MED27: variants seen among roughly 807,000 people sequenced by gnomAD.
The protein encoded by MED27 is mediator of RNA polymerase II transcription subunit 27.
MED27 carries 30 observed loss-of-function variants against 38.2 expected under a neutral mutation model. The observed-to-expected ratio is 0.79, with a 90% CI of 0.59 to 1.07. The LOEUF is 1.07. MED27 is among the 50% of genes least tolerant of loss of function. The pLI, the probability that MED27 is intolerant of heterozygous loss-of-function variation, is 0.00. For missense variants in MED27, 289 were observed against 397.5 expected (o/e 0.73, Z 2.32); for synonymous variants, 122 against 153.5 (o/e 0.79, Z 1.52).
intron 2 of MED27, among the ~76,000 whole-genome samples, chr9:132,042,797 G>C (rs1273174283): frequency 6.6e-6 from 1 of 152,202 alleles, no homozygotes; most frequent in Admixed American, 6.5e-5. Flanking sequence ...CCCAGCATTT[G>C]ACTTTTTGAA....
chr9:131,995,434 C>G (rs1832070374), intron 3 of MED27, among the ~76,000 whole-genome samples: 1 of 152,040 alleles, frequency 6.6e-6, no homozygotes, highest in South Asian at 2.1e-4. Flanking sequence ...TGACAGAGAC[C>G]ATCATCAAGT....
At chr9:132,050,903 T>C (rs965335450) in intron 2 of MED27, among the ~76,000 whole-genome samples, 2 of 152,242 alleles carry the variant, frequency 1.3e-5, no homozygotes, top group Admixed American at 6.5e-5. Context: ...CATTACTACA[T>C]TGTCAACATC....
intron 2 of MED27, among the ~76,000 whole-genome samples, chr9:132,019,013 C>T (rs894456371): frequency 6.6e-5 from 10 of 152,114 alleles, no homozygotes; most frequent in Non-Finnish European, 1.3e-4. Flanking sequence ...AGAGGACCCA[C>T]AGGAGGGCAG....
chr9:131,934,460 T>TA (rs1047861664), intron 4 of MED27, among the ~76,000 whole-genome samples: 1 of 151,836 alleles, frequency 6.6e-6, no homozygotes, highest in Non-Finnish European at 1.5e-5. Context: ...ATGATCCAAT[T>TA]AAAAAATAGG....
In MED27 at chr9:132,051,178, C is replaced by A. The variant is rs1004732465; in HGVS notation, c.348+26264G>T. Reference sequence around the variant, plus strand: ...CATGTTCCCGATAACAGTTAAAGTACATGAGATTATCAATTATTTACTGAT... The same window carrying A: ...CATGTTCCCGATAACAGTTAAAGTAAATGAGATTATCAATTATTTACTGAT... On this transcript the variant is annotated intron_variant, in intron 2 of 7. Coordinates refer to ENST00000292035, the MANE Select transcript of MED27 (RefSeq NM_004269.4). This position sits in a 1 kb window ranked among gnomAD's most constrained non-coding sequence, Gnocchi z 4.2. Among the ~76,000 whole-genome samples the A allele has an allele frequency of 6.6e-6, 1 of 152,170 alleles. No individual in the cohort carries two copies.
At chr9:131,986,100 G>C (rs1831843484) in intron 3 of MED27, among the ~76,000 whole-genome samples, 1 of 152,136 alleles carries the variant, frequency 6.6e-6, no homozygotes, top group Non-Finnish European at 1.5e-5. Flanking sequence ...GAATCAAAAA[G>C]TTAACAAAAT....
intron 6 of MED27, among the ~76,000 whole-genome samples, chr9:131,876,493 T>C (rs1838935468): frequency 6.6e-6 from 1 of 152,164 alleles, no homozygotes; most frequent in Non-Finnish European, 1.5e-5. Flanking sequence ...GAACAAATGA[T>C]CAAATCTGTC....
intron 4 of MED27, among the ~76,000 whole-genome samples, chr9:131,919,202 A>G (rs939885092): frequency 6.6e-6 from 1 of 152,232 alleles, no homozygotes; most frequent in African/African-American, 2.4e-5. Flanking sequence ...ACTTGCCTCC[A>G]AAAGATAAAA....
intron 4 of MED27, among the ~76,000 whole-genome samples, chr9:131,908,573 T>C (rs1022417200): frequency 6.6e-6 from 1 of 152,172 alleles, no homozygotes; most frequent in African/African-American, 2.4e-5. Context: ...ATCTGTGACC[T>C]TACCCCCAAC....
chr9:131,871,159 G>A (rs368701373), intron 6 of MED27, among the ~76,000 whole-genome samples: 2 of 152,238 alleles, frequency 1.3e-5, no homozygotes, highest in East Asian at 3.9e-4. Flanking sequence ...CCTGCTGTAC[G>A]CCCCGGATTC....
At chr9:132,004,917 C>T (rs1832325311) in intron 3 of MED27, among the ~76,000 whole-genome samples, 1 of 152,196 alleles carries the variant, frequency 6.6e-6, no homozygotes, top group South Asian at 2.1e-4. Context: ...GAGACACAGG[C>T]AGCGCCAGTC....
chr9:131,924,564 T>C (rs1830449714), intron 4 of MED27, among the ~76,000 whole-genome samples: 1 of 152,164 alleles, frequency 6.6e-6, no homozygotes, highest in Non-Finnish European at 1.5e-5. Context: ...CATCTGAAGG[T>C]GTTTTTCCTT....
intron 4 of MED27, among the ~76,000 whole-genome samples, chr9:131,906,912 C>A (rs1457408439): frequency 6.6e-6 from 1 of 152,184 alleles, no homozygotes; most frequent in Admixed American, 6.5e-5. Flanking sequence ...TTTCCCAGAA[C>A]TAAGGGTTCC....
chr9:132,029,655 G>A lies in MED27; in HGVS notation c.349-15188C>T, dbSNP rs57352274. Among the ~76,000 whole-genome samples, 346 of 152,222 alleles carry A rather than the reference G, an allele frequency of 2.3e-3. 1 individual carries two copies. Among genetic ancestry groups the A allele is most frequent in the African/African-American group, 8.0e-3 (333 of 41,536 alleles). The stretch of plus-strand genomic sequence containing the variant: ...TATGATATTTAATAAGAAGGGCCTC[G>A]GTGAAGCAAGGTTACAAAATAGGGA... On this transcript the variant is annotated intron_variant, in intron 2 of 7. Transcript: ENST00000292035.
At chr9:132,053,597 A>C (rs1020204016) in intron 2 of MED27, among the ~76,000 whole-genome samples, 6 of 152,218 alleles carry the variant, frequency 3.9e-5, no homozygotes, top group Admixed American at 2.6e-4. Context: ...TGAGGCACGG[A>C]GACATGAAAC....
chr9:131,938,088 C>T (rs556717298), intron 4 of MED27, among the ~76,000 whole-genome samples: 2 of 152,108 alleles, frequency 1.3e-5, no homozygotes, highest in South Asian at 2.1e-4. Context: ...CCCCCACAAA[C>T]GAAGTAACAA....
intron 3 of MED27, among the ~76,000 whole-genome samples, chr9:132,000,409 TAA>T (rs546396686): frequency 5.1e-4 from 77 of 152,170 alleles, no homozygotes; most frequent in Non-Finnish European, 1.1e-3. Context: ...GGTGGGAAGG[TAA>T]AAACGACACA....
intron 4 of MED27, among the ~76,000 whole-genome samples, chr9:131,902,280 G>C (rs1179084843): frequency 6.6e-6 from 1 of 152,156 alleles, no homozygotes; most frequent in Non-Finnish European, 1.5e-5. Flanking sequence ...TGACAGAGTC[G>C]TGCTGGGCGG....
At chr9:131,903,891 CT>C (rs35837340) in intron 4 of MED27, among the ~76,000 whole-genome samples, 94,961 of 126,626 alleles carry the variant, frequency 0.75, 34,677 homozygotes, top group Middle Eastern at 0.81. Flanking sequence ...CCACACACAG[CT>C]TTTTTTTTTT....
Sources: gnomAD v4.1 joint callset for allele counts (sites outside exome capture counted in the v4.1 genomes callset) on GRCh38, gnomAD v4.1.1 for gene constraint, Gnocchi (gnomAD v3.1) non-coding constraint, MANE v1.5 for transcripts, NCBI Gene and HGNC (gene_info 2026-07-23, HGNC 2026-07-21) for gene names.